Variants in NOP58 observed in about 807,000 individuals in gnomAD.
NOP58 encodes the protein nucleolar protein 58.
A neutral mutation model predicts 71.2 loss-of-function variants in NOP58; 44 were observed. That is an observed-to-expected ratio of 0.62 (90% CI 0.49 to 0.79). NOP58 has a LOEUF of 0.79. Among genes scored for constraint, NOP58 ranks in the 30% least tolerant of loss-of-function variants. NOP58 has a pLI of 0.00. For synonymous variants in NOP58, 228 were observed against 200.3 expected (o/e 1.14, Z -1.17); for missense variants, 538 against 620.2 (o/e 0.87, Z 1.41).
intron 11 of NOP58, 93 bp downstream of exon 11, chr2:202,297,606 A>G: frequency 7.9e-7 from 1 of 1,267,952 alleles, no homozygotes; most frequent in African/African-American, 1.5e-5. Context: ...AAACAGTTTT[A>G]TGATACTTAT....
intron 1 of NOP58, among the ~76,000 whole-genome samples, chr2:202,266,460 G>A (rs1688418767): frequency 6.6e-6 from 1 of 151,966 alleles, no homozygotes; most frequent in African/African-American, 2.4e-5. Context: ...CCACCACCAC[G>A]CCTGGCTAGT....
intron 1 of NOP58, among the ~76,000 whole-genome samples, chr2:202,268,548 T>C (rs1402996075): frequency 6.6e-6 from 1 of 150,878 alleles, no homozygotes; most frequent in East Asian, 2.0e-4. Flanking sequence ...AAAAAAAAAT[T>C]ATATTGGATG....
intron 10 of NOP58, 31 bp downstream of exon 10, chr2:202,295,868 G>T (rs755259598): frequency 1.3e-6 from 2 of 1,485,374 alleles, no homozygotes; most frequent in Non-Finnish European, 1.8e-6. Context: ...TTGTTTTTGA[G>T]GTTAGACTTT....
chr2:202,289,321 A>C (rs1185945497), intron 6 of NOP58, among the ~76,000 whole-genome samples: 2 of 152,216 alleles, frequency 1.3e-5, no homozygotes, highest in Non-Finnish European at 2.9e-5. Flanking sequence ...AATGTCCCTA[A>C]TCTGAAATTC....
rs143956643 is a variant in NOP58, at chr2:202,273,696, G to A, written c.46-1417G>A. 5.3e-3 allele frequency among the ~76,000 whole-genome samples: 803 copies of A among 152,176 alleles called. 12 individuals carry two copies. Among genetic ancestry groups the A allele is most frequent in the African/African-American group, 0.018 (737 of 41,514 alleles). On this transcript the variant is annotated intron_variant, in intron 1 of 14. Coordinates refer to ENST00000264279, the MANE Select transcript of NOP58 (RefSeq NM_015934.5). ...GTTGGCTCACGCCTGTAATCCCAACGCTTTGGGAGGCCGAGGCAGGTGGAT... is the reference window on the plus strand; with the variant it reads ...GTTGGCTCACGCCTGTAATCCCAACACTTTGGGAGGCCGAGGCAGGTGGAT...
At chr2:202,276,095 T>C (rs902297468) in intron 2 of NOP58, among the ~76,000 whole-genome samples, 2 of 152,116 alleles carry the variant, frequency 1.3e-5, no homozygotes, top group African/African-American at 4.8e-5. Flanking sequence ...TCCTAGTACT[T>C]TGGGATACCA....
intron 3 of NOP58, among the ~76,000 whole-genome samples, chr2:202,280,524 G>T (rs1688682507): frequency 6.6e-6 from 1 of 152,074 alleles, no homozygotes; most frequent in African/African-American, 2.4e-5. Context: ...GTAGAGACGG[G>T]GTTTTGCCTG....
rs779083445 is a variant in NOP58, at chr2:202,297,339, A to G, written c.1072-40A>G. Reference sequence around the variant, plus strand: ...ACATCCAAGTTATTGAGGATTTTACATCTGAACATGGAATATAGTTCTTCA... The same window carrying G: ...ACATCCAAGTTATTGAGGATTTTACGTCTGAACATGGAATATAGTTCTTCA... On this transcript the variant is annotated intron_variant, in intron 10 of 14. Coordinates refer to ENST00000264279, the MANE Select transcript of NOP58 (RefSeq NM_015934.5). The G allele has an allele frequency of 2.5e-6, 4 of 1,574,752 alleles. No homozygotes were observed. The East Asian group carries it at 9.0e-5, about 36-fold the overall frequency.
intron 6 of NOP58, among the ~76,000 whole-genome samples, chr2:202,288,826 A>C (rs1186138621): frequency 1.3e-5 from 2 of 151,766 alleles, no homozygotes; most frequent in Admixed American, 1.3e-4. Flanking sequence ...AAAAAAAAAA[A>C]CAAAGTATTC....
chr2:202,296,421 T>G (rs779730921), intron 10 of NOP58, among the ~76,000 whole-genome samples: 1 of 152,164 alleles, frequency 6.6e-6, no homozygotes, highest in Non-Finnish European at 1.5e-5. Context: ...CAGGCTGGTC[T>G]CAAACTCCTG....
At chr2:202,278,666 A>G (rs908525253) in intron 3 of NOP58, among the ~76,000 whole-genome samples, 1 of 152,162 alleles carries the variant, frequency 6.6e-6, no homozygotes, top group African/African-American at 2.4e-5. Flanking sequence ...AGCAGATATA[A>G]AGCCCAAATC....
At chr2:202,271,873 G>A (rs553927037) in intron 1 of NOP58, among the ~76,000 whole-genome samples, 1 of 152,150 alleles carries the variant, frequency 6.6e-6, no homozygotes, top group Admixed American at 6.6e-5. Flanking sequence ...GAGGCCAGGA[G>A]TTTGAAGCTG....
At chr2:202,275,031 T>C in intron 1 of NOP58, 82 bp from the exon 2 acceptor site, 1 of 637,066 alleles carries the variant, frequency 1.6e-6, no homozygotes, top group Non-Finnish European at 2.7e-6. Flanking sequence ...TCATTTTACA[T>C]GTAAAATTGT....
At chr2:202,293,010 A>ACACAAAAGTAGATGATATGTGG in intron 9 of NOP58, 107 bp downstream of exon 9, 1 of 1,150,746 alleles carries the variant, frequency 8.7e-7, no homozygotes, top group Non-Finnish European at 1.3e-6. Context: ...TTAGCTGATA[A>ACACAAAAGTAGATGATATGTGG]CACAAAAGTA....
intron 1 of NOP58, among the ~76,000 whole-genome samples, chr2:202,271,189 G>A (rs190679253): frequency 4.6e-5 from 7 of 152,190 alleles, no homozygotes; most frequent in Middle Eastern, 3.4e-3. Context: ...ATCCTAAAAG[G>A]CACAACCCCC....
chr2:202,282,215 T>C, intron 3 of NOP58, 136 bp from the exon 4 acceptor site: 1 of 662,218 alleles, frequency 1.5e-6, no homozygotes, highest in Non-Finnish European at 2.5e-6. Flanking sequence ...AAAACATATA[T>C]CATTTCATTT....
chr2:202,300,865 A>G (rs1689080079), intron 13 of NOP58, among the ~76,000 whole-genome samples: 1 of 152,190 alleles, frequency 6.6e-6, no homozygotes, highest in Non-Finnish European at 1.5e-5. Context: ...CAGGCGCCCC[A>G]TTATTAGTTA....
chr2:202,267,277 A>T (rs974304922), intron 1 of NOP58, among the ~76,000 whole-genome samples: 1 of 152,190 alleles, frequency 6.6e-6, no homozygotes, highest in Non-Finnish European at 1.5e-5. Context: ...TTAGCTATGA[A>T]CCAAAAAACC....
At chr2:202,298,027 ACC>A in intron 12 of NOP58, 121 bp downstream of exon 12, 1 of 608,456 alleles carries the variant, frequency 1.6e-6, no homozygotes, top group Non-Finnish European at 2.8e-6. Flanking sequence ...TATTTATTTG[ACC>A]AAAATTGTGT....
Sources: gnomAD v4.1 joint callset for allele counts (sites outside exome capture counted in the v4.1 genomes callset) on GRCh38, gnomAD v4.1.1 for gene constraint, MANE v1.5 for transcripts, NCBI Gene and HGNC (gene_info 2026-07-23, HGNC 2026-07-21) for gene names.